Variants in USP10 observed in about 807,000 individuals in gnomAD.
The protein encoded by USP10 is ubiquitin carboxyl-terminal hydrolase 10.
A neutral mutation model predicts 84.5 loss-of-function variants in USP10; 22 were observed. The observed-to-expected ratio is 0.26, with a 90% CI of 0.19 to 0.37. The LOEUF is 0.37. USP10 is among the 10% of genes least tolerant of loss of function. USP10 has a pLI of 1.00. For missense variants in USP10, 1,019 were observed against 998.9 expected, an observed-to-expected ratio of 1.02 and a Z score of -0.27; for synonymous variants, 454 against 387.6, an observed-to-expected ratio of 1.17 and a Z score of -2.01.
At chr16:84,724,737 T>C (rs1423559012) in intron 1 of USP10, among the ~76,000 whole-genome samples, 1 of 152,230 alleles carries the variant, frequency 6.6e-6, no homozygotes, top group African/African-American at 2.4e-5. Context: ...CTGTGTGTGT[T>C]GTGTTCAAAG....
intron 8 of USP10, among the ~76,000 whole-genome samples, chr16:84,762,690 CA>C (rs68114431): frequency 0.13 from 16,172 of 128,748 alleles, 961 homozygotes; most frequent in East Asian, 0.28. Flanking sequence ...GACTTTGTCT[CA>C]AAAAAAAAAA....
intron 13 of USP10, among the ~76,000 whole-genome samples, chr16:84,777,200 G>A (rs779151385): frequency 3.3e-5 from 5 of 152,134 alleles, no homozygotes; most frequent in Non-Finnish European, 5.9e-5. Flanking sequence ...GCTTGCAGGT[G>A]TGAGTGACAC....
intron 1 of USP10, among the ~76,000 whole-genome samples, chr16:84,719,383 A>G (rs1907489732): frequency 1.3e-5 from 2 of 152,202 alleles, no homozygotes; most frequent in South Asian, 4.1e-4. Context: ...ATGCCCCTAC[A>G]CAGTGATTCT....
intron 1 of USP10, among the ~76,000 whole-genome samples, chr16:84,714,273 C>T (rs1906705152): frequency 6.6e-6 from 1 of 152,298 alleles, no homozygotes; most frequent in East Asian, 1.9e-4. Context: ...TAGTTTCTTC[C>T]TTAAAATGTG....
chr16:84,772,259 C>T (rs911957116), intron 11 of USP10, among the ~76,000 whole-genome samples: 5 of 152,136 alleles, frequency 3.3e-5, no homozygotes, highest in African/African-American at 1.2e-4. Context: ...CCATGTTGGC[C>T]AGGCTGGTCT....
rs781514856 is a variant in USP10, at chr16:84,764,057, G to T, written c.1655-29G>T. On this transcript the variant is annotated intron_variant, in intron 9 of 13. Coordinates refer to ENST00000219473, the MANE Select transcript of USP10 (RefSeq NM_005153.3). ...TTTTTTGCTGTTCTTGTCGTAAATA[G>T]TAGTGTAAGCAGATGCTCTCCTTTT... 70 of 1,582,916 alleles carry T rather than the reference G, an allele frequency of 4.4e-5. No individual in the cohort carries two copies. In the South Asian group the frequency reaches 7.5e-4, roughly 17 times the overall value.
At chr16:84,737,644 T>C (rs556283601) in intron 2 of USP10, among the ~76,000 whole-genome samples, 1 of 152,204 alleles carries the variant, frequency 6.6e-6, no homozygotes, top group Non-Finnish European at 1.5e-5. Context: ...TCTGGGAGTT[T>C]GCTGGTGGTC....
At chr16:84,747,803 G>C (rs8056366) in intron 4 of USP10, among the ~76,000 whole-genome samples, 146 of 152,072 alleles carry the variant, frequency 9.6e-4, no homozygotes, top group Middle Eastern at 3.4e-3. Context: ...CTGACCTCAA[G>C]TGATCTGCTC....
intron 2 of USP10, 139 bp from the exon 3 acceptor site, chr16:84,740,170 G>T: frequency 1.5e-6 from 1 of 646,428 alleles, no homozygotes; most frequent in South Asian, 2.2e-5. Flanking sequence ...GACTCTTCAT[G>T]TATGTTATTC....
intron 13 of USP10, among the ~76,000 whole-genome samples, chr16:84,777,735 G>GC (rs534491251): frequency 1.2e-3 from 183 of 152,058 alleles, no homozygotes; most frequent in African/African-American, 4.1e-3. Flanking sequence ...CTGTCATTTA[G>GC]CCCCTCCACG....
intron 1 of USP10, among the ~76,000 whole-genome samples, chr16:84,724,001 A>G (rs1567602039): frequency 6.6e-6 from 1 of 152,242 alleles, no homozygotes; most frequent in Non-Finnish European, 1.5e-5. Flanking sequence ...ATTGTAATGA[A>G]TATGAAAGTT....
chr16:84,706,343 T>C (rs1905501795), intron 1 of USP10, among the ~76,000 whole-genome samples: 1 of 152,050 alleles, frequency 6.6e-6, no homozygotes, highest in Admixed American at 6.6e-5. Context: ...ACAATTTTTT[T>C]ATACTTCATT....
intron 1 of USP10, among the ~76,000 whole-genome samples, chr16:84,700,364 G>C (rs1310076921): frequency 1.3e-5 from 2 of 152,008 alleles, no homozygotes; most frequent in African/African-American, 4.8e-5. Context: ...CGCTTGGGGA[G>C]GGCGTGGAGG....
intron 3 of USP10, among the ~76,000 whole-genome samples, chr16:84,743,357 A>G (rs907711350): frequency 3.3e-5 from 5 of 152,166 alleles, no homozygotes; most frequent in African/African-American, 1.2e-4. Flanking sequence ...GCATACGAAG[A>G]TTCAGGAGGC....
intron 1 of USP10, among the ~76,000 whole-genome samples, chr16:84,718,958 A>G (rs1036918372): frequency 6.6e-6 from 1 of 151,640 alleles, no homozygotes; most frequent in East Asian, 2.0e-4. Context: ...GCACCCAGCT[A>G]ATTTTCGTAT....
At chr16:84,706,301 T>C (rs1232349685) in intron 1 of USP10, among the ~76,000 whole-genome samples, 5 of 152,132 alleles carry the variant, frequency 3.3e-5, no homozygotes, top group African/African-American at 1.2e-4. Context: ...TCGAGATTCC[T>C]GCCCAATATA....
At chr16:84,714,969 G>A (rs1233976060) in intron 1 of USP10, among the ~76,000 whole-genome samples, 2 of 145,032 alleles carry the variant, frequency 1.4e-5, no homozygotes, top group Admixed American at 7.0e-5. Context: ...TTGCTCTGTC[G>A]CCCAGGCTGG....
Position 84,700,025 on chromosome 16 carries a change from T to C in USP10, c.-66T>C. The stretch of plus-strand genomic sequence containing the variant: ...GAGTGTGTATGTGCGGGCGAGAAGA[T>C]GGCGGCGGCGGGGGAAGCAGCGTGA... On this transcript the variant is annotated 5_prime_UTR_variant, in exon 1 of 14. It removes an upstream start codon present in the reference 5' UTR. Transcript: ENST00000219473. 2.3e-6 allele frequency: 3 copies of C among 1,327,384 alleles called. No homozygotes were observed. The highest frequency in any genetic ancestry group is 3.0e-6 in the Non-Finnish European group (3 of 1,013,582). 82.2% of individuals were successfully genotyped at this position (1,327,384 alleles called of 1,614,324 possible).
intron 1 of USP10, among the ~76,000 whole-genome samples, chr16:84,730,342 G>C (rs1297807858): frequency 1.3e-5 from 2 of 151,810 alleles, no homozygotes; most frequent in Non-Finnish European, 2.9e-5. Context: ...ATCTCTCGCT[G>C]TCTGTACCTA....
Sources: gnomAD v4.1 joint callset for allele counts (sites outside exome capture counted in the v4.1 genomes callset) on GRCh38, gnomAD v4.1.1 for gene constraint, MANE v1.5 for transcripts, NCBI Gene and HGNC (gene_info 2026-07-23, HGNC 2026-07-21) for gene names.